RAB11FIP4: variants seen among roughly 807,000 people sequenced by gnomAD.
The protein encoded by RAB11FIP4 is rab11 family-interacting protein 4.
Under a neutral mutation model 74.3 loss-of-function variants are expected in RAB11FIP4, and 23 were observed. The ratio of observed to expected loss-of-function variants is 0.31; its 90% CI spans 0.22 to 0.44. The LOEUF (loss-of-function observed/expected upper bound fraction) is 0.44, where lower values mean the gene tolerates loss of function less well. Among genes scored for constraint, RAB11FIP4 ranks in the 20% least tolerant of loss-of-function variants. RAB11FIP4 has a pLI of 1.00. For missense variants in RAB11FIP4, 630 were observed against 863.9 expected (o/e 0.73, Z 3.39); for synonymous variants, 360 against 359.9 (o/e 1.00, Z 0.00).
chr17:31,519,042 T>C (rs1184371258), intron 4 of RAB11FIP4, among the ~76,000 whole-genome samples: 4 of 108,014 alleles, frequency 3.7e-5, no homozygotes, highest in East Asian at 5.9e-4. Context: ...TGAGACGGAG[T>C]CTCGCTCTGT....
chr17:31,502,412 C>T (rs991827589), intron 3 of RAB11FIP4, among the ~76,000 whole-genome samples: 17 of 145,750 alleles, frequency 1.2e-4, no homozygotes, highest in Admixed American at 2.1e-4. Context: ...AACCCCATCT[C>T]TACTAAAAAT....
At chr17:31,402,596 ATT>A (rs373118043) in intron 1 of RAB11FIP4, among the ~76,000 whole-genome samples, 4 of 95,130 alleles carry the variant, frequency 4.2e-5, no homozygotes, top group African/African-American at 2.0e-4. Context: ...TATTTTATTT[ATT>A]TTTATTTATT....
chr17:31,483,192 C>CAAA (rs56720417), intron 3 of RAB11FIP4, among the ~76,000 whole-genome samples: 4 of 58,554 alleles, frequency 6.8e-5, no homozygotes, highest in Non-Finnish European at 9.0e-5. Flanking sequence ...GACTGCATCT[C>CAAA]AAAAAAAAAA....
chr17:31,442,091 T>C (rs866104180), intron 3 of RAB11FIP4, among the ~76,000 whole-genome samples: 261 of 151,434 alleles, frequency 1.7e-3, no homozygotes, highest in African/African-American at 6.0e-3. Context: ...CTCCGCCTCC[T>C]GGGTTCACGC....
At chr17:31,430,571 G>C (rs1325119967) in intron 1 of RAB11FIP4, among the ~76,000 whole-genome samples, 6 of 151,884 alleles carry the variant, frequency 4.0e-5, no homozygotes, top group Non-Finnish European at 7.4e-5. Context: ...ATGTTAGCCA[G>C]GATGGTCTCG....
chr17:31,502,261 T>G (rs1469885908), intron 3 of RAB11FIP4, among the ~76,000 whole-genome samples: 1 of 151,778 alleles, frequency 6.6e-6, no homozygotes, highest in Non-Finnish European at 1.5e-5. Context: ...CATTGTAAGT[T>G]GAGGACCATC....
chr17:31,514,727 C>G (rs2072514974), intron 3 of RAB11FIP4, among the ~76,000 whole-genome samples: 1 of 152,226 alleles, frequency 6.6e-6, no homozygotes. Context: ...GCGCATTGTC[C>G]TCTGAGAGCC....
rs1455460093 is a variant in RAB11FIP4, at chr17:31,505,520, TA to T, written c.337-12130del. Among the ~76,000 whole-genome samples the T allele has an allele frequency of 3.3e-5, 2 of 60,350 alleles. 1 individual carries two copies. The highest frequency in any genetic ancestry group is 1.2e-4 in the African/African-American group (2 of 16,148). 39.6% of individuals were successfully genotyped at this position (60,350 alleles called of 152,430 possible). On this transcript the variant is annotated intron_variant, in intron 3 of 14. Transcript: ENST00000621161. Reference sequence around the variant, plus strand: ...ATTATTATATTATATATAATAATTATATATTATATATAATTATTATATATTA... The same window carrying T: ...ATTATTATATTATATATAATAATTATTATTATATATAATTATTATATATTA...
chr17:31,445,562 ATATATATATATATATATTTTTTTTTT>A (rs1299605846), intron 3 of RAB11FIP4, among the ~76,000 whole-genome samples: 14 of 17,416 alleles, frequency 8.0e-4, no homozygotes, highest in Admixed American at 2.9e-3. Flanking sequence ...ATATATATAT[ATATATATATATATATATTTTTTTTTT>A]TTTTTTTTTT....
intron 3 of RAB11FIP4, among the ~76,000 whole-genome samples, chr17:31,467,884 C>T (rs533344537): frequency 6.6e-6 from 1 of 152,368 alleles, no homozygotes; most frequent in East Asian, 1.9e-4. Context: ...TGAAACCGGC[C>T]TTTTGCAAAA....
intron 3 of RAB11FIP4, among the ~76,000 whole-genome samples, chr17:31,495,143 C>T (rs923608962): frequency 6.6e-6 from 1 of 152,210 alleles, no homozygotes; most frequent in Admixed American, 6.5e-5. Flanking sequence ...TATTAAAATG[C>T]TGAGGCTCTG....
chr17:31,494,470 T>G (rs187678031), intron 3 of RAB11FIP4, among the ~76,000 whole-genome samples: 8 of 152,238 alleles, frequency 5.3e-5, no homozygotes, highest in Admixed American at 3.9e-4. Context: ...TTGATTGTTG[T>G]GACTAATAAC....
At chr17:31,426,099 G>A (rs559067358) in intron 1 of RAB11FIP4, among the ~76,000 whole-genome samples, 4 of 152,306 alleles carry the variant, frequency 2.6e-5, no homozygotes, top group East Asian at 1.9e-4. Context: ...GGGTCCCCAC[G>A]TAGTGAGTAA....
intron 1 of RAB11FIP4, among the ~76,000 whole-genome samples, chr17:31,401,636 C>T (rs2070986932): frequency 6.6e-6 from 1 of 152,240 alleles, no homozygotes; most frequent in East Asian, 1.9e-4. Flanking sequence ...AGATTGCCAG[C>T]TTCCTCCAAA....
chr17:31,402,634 A>ATTTG (rs1244336891), intron 1 of RAB11FIP4, among the ~76,000 whole-genome samples: 16 of 148,594 alleles, frequency 1.1e-4, no homozygotes, highest in Non-Finnish European at 2.1e-4. Flanking sequence ...TTATTTATTT[A>ATTTG]TTTTTGAGAC....
In RAB11FIP4 at chr17:31,531,898, G is replaced by A. The variant is rs555912773; in HGVS notation, c.*166G>A. ...ATGTGGGGAGGCTGTGCACACGAGC[G>A]AGGGGTGAGTGGCCGTGGCTGTGGG... On this transcript the variant is annotated 3_prime_UTR_variant, in exon 15 of 15. Transcript: ENST00000621161. 102 of 611,994 alleles carry A rather than the reference G, an allele frequency of 1.7e-4. 1 individual carries two copies. The highest frequency in any genetic ancestry group is 1.3e-3 in the African/African-American group (72 of 54,330). The allele number at this position is 611,994 out of a possible 1,614,324, so 37.9% of individuals were successfully genotyped here. A position where few individuals can be genotyped will look rare whatever the true frequency, so the allele number is the denominator to read the frequency against.
At chr17:31,519,884 G>A (rs1005037424) in intron 4 of RAB11FIP4, among the ~76,000 whole-genome samples, 1 of 151,430 alleles carries the variant, frequency 6.6e-6, no homozygotes, top group South Asian at 2.1e-4. Flanking sequence ...AGGCTGAGGC[G>A]GGCAGATCAC....
intron 3 of RAB11FIP4, among the ~76,000 whole-genome samples, chr17:31,502,837 A>G (rs913244428): frequency 1.4e-4 from 22 of 152,152 alleles, no homozygotes; most frequent in Admixed American, 1.1e-3. Flanking sequence ...TCTAGCATCA[A>G]GGTGTCAGCA....
At chr17:31,401,611 C>T (rs946958720) in intron 1 of RAB11FIP4, among the ~76,000 whole-genome samples, 1 of 152,236 alleles carries the variant, frequency 6.6e-6, no homozygotes, top group South Asian at 2.1e-4. Context: ...GGCTTACAGG[C>T]GCAAAACCCG....
Sources: allele counts gnomAD v4.1 joint callset (sites outside exome capture counted in the v4.1 genomes callset), GRCh38; gene constraint gnomAD v4.1.1; transcripts MANE v1.5; gene names NCBI Gene and HGNC (gene_info 2026-07-23, HGNC 2026-07-21).